The following TMOD3 variants were observed in gnomAD, a reference collection of about 807,000 sequenced individuals.
TMOD3 encodes tropomodulin 3.
A neutral mutation model predicts 39.2 loss-of-function variants in TMOD3; 20 were observed. The observed-to-expected ratio is 0.51, with a 90% CI of 0.36 to 0.74. The LOEUF (loss-of-function observed/expected upper bound fraction) is 0.74, where lower values mean the gene tolerates loss of function less well. Ranked by LOEUF, TMOD3 falls within the 30% of genes least tolerant of loss-of-function variation. The pLI, the probability that TMOD3 is intolerant of heterozygous loss-of-function variation, is 0.00. For synonymous variants in TMOD3, 143 were observed against 145.8 expected, an observed-to-expected ratio of 0.98 and a Z score of 0.14; for missense variants, 381 against 412.8, an observed-to-expected ratio of 0.92 and a Z score of 0.67.
intron 1 of TMOD3, chr15:51,859,854 T>G: frequency 1.9e-6 from 1 of 526,172 alleles, no homozygotes. Flanking sequence ...ACAACTCAAG[T>G]CAACTGCTTG....
intron 1 of TMOD3, among the ~76,000 whole-genome samples, chr15:51,862,391 T>C (rs1041192111): frequency 9.9e-5 from 15 of 152,198 alleles, no homozygotes; most frequent in Non-Finnish European, 1.6e-4. Context: ...CCCATATTAA[T>C]ACTGAGTCAT....
chr15:51,835,796 C>G (rs2056279952), intron 1 of TMOD3, among the ~76,000 whole-genome samples: 1 of 152,096 alleles, frequency 6.6e-6, no homozygotes, highest in African/African-American at 2.4e-5. Flanking sequence ...GCTATTTTTA[C>G]TTTTCCTCAT....
At chr15:51,901,233 A>G (rs2141707994) in intron 8 of TMOD3, 1 of 152,554 alleles carries the variant, frequency 6.6e-6, no homozygotes, top group East Asian at 1.9e-4. Context: ...GTGTGTCCAC[A>G]TACGGGCCAC....
At chr15:51,902,112 G>T in intron 9 of TMOD3, 76 bp downstream of exon 9, 1 of 1,538,322 alleles carries the variant, frequency 6.5e-7, no homozygotes, top group Non-Finnish European at 8.8e-7. Flanking sequence ...TCCCTCTTAA[G>T]AATAAATTCT....
chr15:51,856,474 G>A (rs185677290), intron 1 of TMOD3, among the ~76,000 whole-genome samples: 9 of 151,952 alleles, frequency 5.9e-5, no homozygotes, highest in Non-Finnish European at 1.0e-4. Context: ...AGCTAAAGAA[G>A]TAAACTTTTT....
chr15:51,872,955 T>C (rs1419866867), intron 3 of TMOD3, among the ~76,000 whole-genome samples: 1 of 152,216 alleles, frequency 6.6e-6, no homozygotes, highest in African/African-American at 2.4e-5. Context: ...TCAAGCCTTA[T>C]AAGCCATGTC....
intron 3 of TMOD3, among the ~76,000 whole-genome samples, chr15:51,885,921 C>T (rs2056559529): frequency 1.3e-5 from 2 of 149,830 alleles, no homozygotes; most frequent in African/African-American, 2.5e-5. Flanking sequence ...GGGGGCTGCC[C>T]CCCACCTCCC....
chr15:51,868,930 C>T (rs571991798), intron 2 of TMOD3, among the ~76,000 whole-genome samples: 1 of 152,242 alleles, frequency 6.6e-6, no homozygotes, highest in South Asian at 2.1e-4. Flanking sequence ...TGAGATCATG[C>T]CACTGCACTC....
At chr15:51,864,032 G>A (rs1024836091) in intron 2 of TMOD3, among the ~76,000 whole-genome samples, 2 of 152,038 alleles carry the variant, frequency 1.3e-5, no homozygotes, top group East Asian at 1.9e-4. Flanking sequence ...TTGGGAGGCC[G>A]AGGCGGGTGG....
intron 5 of TMOD3, among the ~76,000 whole-genome samples, chr15:51,890,267 C>T (rs937293264): frequency 1.3e-5 from 2 of 150,310 alleles, no homozygotes; most frequent in Non-Finnish European, 2.9e-5. Flanking sequence ...CTCTCAGGTT[C>T]AAGCGCTTCT....
At chr15:51,873,062 C>G (rs145292024) in intron 3 of TMOD3, among the ~76,000 whole-genome samples, 35 of 152,324 alleles carry the variant, frequency 2.3e-4, no homozygotes, top group African/African-American at 7.9e-4. Flanking sequence ...AAAGCCACCT[C>G]TAATGTTCTG....
rs183908054 is a variant in TMOD3, at chr15:51,838,445, G to T, written c.-75+8609G>T. Among the ~76,000 whole-genome samples, 17 of 152,182 alleles carry T rather than the reference G, an allele frequency of 1.1e-4. No homozygotes were observed. The East Asian group carries it at 3.3e-3, about 29-fold the overall frequency. The stretch of plus-strand genomic sequence containing the variant: ...AGCTATCTTGCTAGATGGTATGGTG[G>T]CAGAGCTGGGAGTTGTACTGCATTA... On this transcript the variant is annotated intron_variant, in intron 1 of 9. Transcript: ENST00000308580.
chr15:51,881,944 G>T (rs2056536990), intron 3 of TMOD3, among the ~76,000 whole-genome samples: 1 of 150,878 alleles, frequency 6.6e-6, no homozygotes, highest in South Asian at 2.1e-4. Context: ...GCCCAGGCTG[G>T]AGTACAGTGG....
intron 3 of TMOD3, among the ~76,000 whole-genome samples, chr15:51,878,408 A>T (rs2056516538): frequency 1.3e-5 from 1 of 79,086 alleles, no homozygotes; most frequent in Non-Finnish European, 2.9e-5. Context: ...GTGTGTGTGT[A>T]AAACTTGTTT....
chr15:51,912,092 T>A lies in TMOD3; in HGVS notation c.*3282T>A, dbSNP rs561514742. ...GTTGACCGAGTATCTGTTGTGTTTTTGTTTAAAAAGAGGATTCCATGACAT... is the reference window on the plus strand; with the variant it reads ...GTTGACCGAGTATCTGTTGTGTTTTAGTTTAAAAAGAGGATTCCATGACAT... On this transcript the variant is annotated 3_prime_UTR_variant, in exon 10 of 10. Transcript: ENST00000308580. 1.1e-4 allele frequency: 16 copies of A among 152,320 alleles called. No homozygotes were observed. The highest frequency in any genetic ancestry group is 3.8e-4 in the African/African-American group (16 of 41,580). 9.4% of individuals were successfully genotyped at this position (152,320 alleles called of 1,614,324 possible). A position where few individuals can be genotyped will look rare whatever the true frequency, so the allele number is the denominator to read the frequency against.
intron 3 of TMOD3, among the ~76,000 whole-genome samples, chr15:51,886,341 G>T (rs893500298): frequency 3.3e-4 from 51 of 152,324 alleles, no homozygotes; most frequent in African/African-American, 1.2e-3. Context: ...GCTGTAGCGA[G>T]CCGAGATCAC....
chr15:51,889,044 C>T lies in TMOD3; in HGVS notation c.407-12C>T. 1 of 1,534,044 alleles carries T rather than the reference C, an allele frequency of 6.5e-7. No individual in the cohort carries two copies. The highest frequency in any genetic ancestry group is 8.8e-7 in the Non-Finnish European group (1 of 1,133,976). On this transcript the variant is annotated splice_polypyrimidine_tract_variant and intron_variant, in intron 4 of 9. Transcript: ENST00000308580. ...TTAAAACAATAAAAACTTTCTTTTT[C>T]TGTATTTATAGCAATTCTTGGGATG...
chr15:51,853,500 C>A (rs1452577035), intron 1 of TMOD3, among the ~76,000 whole-genome samples: 1 of 152,140 alleles, frequency 6.6e-6, no homozygotes, highest in Non-Finnish European at 1.5e-5. Flanking sequence ...TGCACCTGGA[C>A]TTTCTTTAGT....
intron 1 of TMOD3, among the ~76,000 whole-genome samples, chr15:51,844,430 C>T (rs142557044): frequency 6.6e-6 from 1 of 152,270 alleles, no homozygotes; most frequent in East Asian, 1.9e-4. Flanking sequence ...TTTATGAAAC[C>T]TGTTTCCCAA....
Sources: gnomAD v4.1 joint callset for allele counts (sites outside exome capture counted in the v4.1 genomes callset) on GRCh38, gnomAD v4.1.1 for gene constraint, MANE v1.5 for transcripts, NCBI Gene and HGNC (gene_info 2026-07-23, HGNC 2026-07-21) for gene names.